PRAME: variants seen among roughly 807,000 people sequenced by gnomAD.
The protein encoded by PRAME is PRAME nuclear receptor transcriptional regulator, also known as melanoma antigen preferentially expressed in tumors.
A neutral mutation model predicts 32.1 loss-of-function variants in PRAME; 21 were observed. The observed-to-expected ratio is 0.65, with a 90% CI of 0.46 to 0.94. The LOEUF is 0.94. Among genes scored for constraint, PRAME ranks in the 40% least tolerant of loss-of-function variants. PRAME has a pLI of 0.00. For missense variants in PRAME, 651 were observed against 622.3 expected, an observed-to-expected ratio of 1.05 and a Z score of -0.49; for synonymous variants, 274 against 251.5, an observed-to-expected ratio of 1.09 and a Z score of -0.85.
intron 3 of PRAME, among the ~76,000 whole-genome samples, chr22:22,552,372 A>C (rs1249807113): frequency 6.7e-6 from 1 of 149,334 alleles, no homozygotes; most frequent in East Asian, 2.0e-4. Context: ...AATTGTAATA[A>C]AGTAAAATTC....
Position 22,550,239 on chromosome 22 carries a change from G to A in PRAME, c.440C>T (p.Pro147Leu). Residue 147 changes from proline (P) to leucine (L), a missense_variant, in exon 5 of 6, where the codon CCA (proline) becomes CTA (leucine). Coordinates refer to ENST00000405655, the MANE Select transcript of PRAME (RefSeq NM_206956.3). Reference sequence around the variant, plus strand: ...CATGGGCTGAGCTGCTTCTGGCTCTGGAAATGAGTACAGACTGGCCCTGTT... The same window carrying A: ...CATGGGCTGAGCTGCTTCTGGCTCTAGAAATGAGTACAGACTGGCCCTGTT... ...SGNRASLYSFPEPEAAQPMTK... is the reference protein window; with the variant it reads ...SGNRASLYSFLEPEAAQPMTK... The A allele has an allele frequency of 6.2e-7, 1 of 1,613,754 alleles. No individual in the cohort carries two copies.
chr22:22,550,252 G>T lies in PRAME; in HGVS notation c.427C>A (p.Leu143Met), dbSNP rs770197907. ...GCTTCTGGCTCTGGAAATGAGTACAGACTGGCCCTGTTTCCAGACCATACA... is the reference window on the plus strand; with the variant it reads ...GCTTCTGGCTCTGGAAATGAGTACATACTGGCCCTGTTTCCAGACCATACA... Reference protein sequence around the residue: ...WTVWSGNRASLYSFPEPEAAQ... With the variant: ...WTVWSGNRASMYSFPEPEAAQ... The change falls in exon 5 of 6, where the codon CTG becomes ATG. Residue 143 changes from leucine (L) to methionine (M), a missense_variant. By Grantham distance (15) the Leu-to-Met change is conservative (BLOSUM62 2). Transcript: ENST00000405655. The T allele has an allele frequency of 2.5e-6, 4 of 1,613,688 alleles. No individual in the cohort carries two copies. The highest frequency in any genetic ancestry group is 1.3e-5 in the African/African-American group (1 of 74,848).
At chr22:22,554,749 C>T (rs1331118341) in intron 3 of PRAME, among the ~76,000 whole-genome samples, 1 of 151,958 alleles carries the variant, frequency 6.6e-6, no homozygotes, top group Non-Finnish European at 1.5e-5. Flanking sequence ...TTTCATTTCC[C>T]TCCCTATCAA....
intron 5 of PRAME, 145 bp from the exon 6 acceptor site, chr22:22,548,788 G>C: frequency 1.3e-6 from 1 of 745,808 alleles, no homozygotes; most frequent in Non-Finnish European, 2.1e-6. Context: ...CATTCAAGGA[G>C]TACAAGTTCA....
chr22:22,554,800 A>C (rs557768068), intron 3 of PRAME, among the ~76,000 whole-genome samples: 106 of 152,110 alleles, frequency 7.0e-4, no homozygotes, highest in Non-Finnish European at 1.1e-3. Context: ...CTTCACATAA[A>C]CCATGGAAAA....
chr22:22,548,727 CAA>C, intron 5 of PRAME, 84 bp from the exon 6 acceptor site: 1 of 1,265,254 alleles, frequency 7.9e-7, no homozygotes, highest in South Asian at 1.4e-5. Flanking sequence ...CACCAAAACC[CAA>C]AGTCTTCCTG....
intron 3 of PRAME, among the ~76,000 whole-genome samples, chr22:22,556,179 T>G (rs8135024): frequency 6.6e-6 from 1 of 151,104 alleles, no homozygotes; most frequent in South Asian, 2.1e-4. Context: ...TTTTTTCTAT[T>G]TTTAGTAAAG....
At position 22,556,800 on chromosome 22, in the gene PRAME, G is replaced by A. The variant is rs769237205; in HGVS notation, c.21+12C>T. ...CTCTGAGCACCTCAGACAGCTCAGG[G>A]GACCTTCTTACCCACAAACGCCTTC... On this transcript the variant is annotated intron_variant, in intron 3 of 5. Transcript: ENST00000405655. 1 of 1,612,628 alleles carries A rather than the reference G, an allele frequency of 6.2e-7. No individual in the cohort carries two copies. Among genetic ancestry groups the A allele is most frequent in the Admixed American group, 1.7e-5 (1 of 59,964 alleles).
rs1471251004 is a variant in PRAME at position 22,556,916 on chromosome 22, G to A, written c.-77-7C>T. ...CACTTGTTGCCACGCACGTCTGAGA[G>A]TAATAATCAAAATGCTCCAAAAAGA... On this transcript the variant is annotated splice_region_variant and splice_polypyrimidine_tract_variant and intron_variant, in intron 2 of 5. Coordinates refer to ENST00000405655, the MANE Select transcript of PRAME (RefSeq NM_206956.3). 1.1e-5 allele frequency: 16 copies of A among 1,515,896 alleles called. No homozygotes were observed. The highest frequency in any genetic ancestry group is 2.2e-5 in the South Asian group (2 of 88,946). 93.9% of individuals were successfully genotyped at this position (1,515,896 alleles called of 1,614,324 possible). A position where few individuals can be genotyped will look rare whatever the true frequency, so the allele number is the denominator to read the frequency against.
At chr22:22,555,933 C>G (rs2062883189) in intron 3 of PRAME, 2 of 469,930 alleles carry the variant, frequency 4.3e-6, no homozygotes, top group Non-Finnish European at 8.8e-6. Flanking sequence ...GTCTGATTAC[C>G]CCGGGGAAAG....
intron 3 of PRAME, chr22:22,552,813 C>G (rs557825692): frequency 4.2e-6 from 2 of 470,660 alleles, no homozygotes; most frequent in East Asian, 1.4e-4. Flanking sequence ...ACTCACCAGA[C>G]CCAGCTGTGG....
intron 3 of PRAME, 76 bp from the exon 4 acceptor site, chr22:22,551,165 G>C (rs2062545307): frequency 1.4e-6 from 2 of 1,390,106 alleles, no homozygotes; most frequent in Non-Finnish European, 2.0e-6. Flanking sequence ...TCACCCTTCT[G>C]AGGGACCAAC....
intron 3 of PRAME, 45 bp from the exon 4 acceptor site, chr22:22,551,134 A>C: frequency 6.7e-7 from 1 of 1,491,828 alleles, no homozygotes; most frequent in African/African-American, 1.4e-5. Flanking sequence ...CAGCCCAAGC[A>C]TAAGCAACTC....
At chr22:22,557,022 C>G (rs949556206) in intron 2 of PRAME, 113 bp from the exon 3 acceptor site, 1 of 670,868 alleles carries the variant, frequency 1.5e-6, no homozygotes. Flanking sequence ...TGACAACTGG[C>G]GACTCAATCC....
intron 3 of PRAME, among the ~76,000 whole-genome samples, chr22:22,554,620 A>G (rs2062792412): frequency 6.6e-6 from 1 of 151,954 alleles, no homozygotes; most frequent in South Asian, 2.1e-4. Flanking sequence ...CAGAGAATCT[A>G]AAGTTCACTG....
chr22:22,550,400 G>A, intron 4 of PRAME, 66 bp from the exon 5 acceptor site: 1 of 1,545,964 alleles, frequency 6.5e-7, no homozygotes, highest in South Asian at 1.2e-5. Context: ...AAGACCATGA[G>A]TCTCATAATG....
intron 3 of PRAME, 98 bp from the exon 4 acceptor site, chr22:22,551,187 G>A: frequency 8.8e-7 from 1 of 1,138,264 alleles, no homozygotes; most frequent in East Asian, 2.4e-5. Flanking sequence ...TAGGGCCAAA[G>A]TCACTGTGCT....
At chr22:22,558,932 G>A (rs1375680078) in intron 1 of PRAME, 39 bp downstream of exon 1, 1 of 152,608 alleles carries the variant, frequency 6.6e-6, no homozygotes, top group African/African-American at 2.4e-5. Flanking sequence ...GTAACCCCCC[G>A]GGCTGAAGAG....
At chr22:22,555,988 T>C (rs1041426366) in intron 3 of PRAME, 1 of 381,928 alleles carries the variant, frequency 2.6e-6, no homozygotes. Flanking sequence ...CCACAATGCA[T>C]TAAGATTTTT....
Sources: gnomAD v4.1 joint callset for allele counts (sites outside exome capture counted in the v4.1 genomes callset) on GRCh38, gnomAD v4.1.1 for gene constraint, MANE v1.5 for transcripts, NCBI Gene and HGNC (gene_info 2026-07-23, HGNC 2026-07-21) for gene names.